Variants in PDZD2 observed in about 807,000 individuals in gnomAD.
PDZD2 encodes PDZ domain containing 2, also known as PDZ domain-containing protein 2.
In PDZD2, 90 loss-of-function variants were observed where a neutral mutation model predicts 220.7. That is an observed-to-expected ratio of 0.41 (90% CI 0.34 to 0.49). PDZD2 has a LOEUF of 0.49. PDZD2 is among the 20% of genes least tolerant of loss of function. The pLI is 0.28. For missense variants in PDZD2, 3,174 were observed against 3,608.5 expected (o/e 0.88, Z 3.08); for synonymous variants, 1,375 against 1,450.5 (o/e 0.95, Z 1.18).
At chr5:31,919,849 T>TA (rs1744047396) in intron 2 of PDZD2, among the ~76,000 whole-genome samples, 2 of 76,616 alleles carry the variant, frequency 2.6e-5, no homozygotes, top group Admixed American at 1.7e-4. Flanking sequence ...AACCTGTCTC[T>TA]AAAAAACAAT....
intron 7 of PDZD2, among the ~76,000 whole-genome samples, chr5:32,041,530 TA>T (rs1756147193): frequency 6.6e-6 from 1 of 152,188 alleles, no homozygotes; most frequent in African/African-American, 2.4e-5. Context: ...TGTTAATCTT[TA>T]ACCTTACCCC....
intron 1 of PDZD2, among the ~76,000 whole-genome samples, chr5:31,662,766 A>T (rs1167306647): frequency 6.6e-6 from 1 of 152,092 alleles, no homozygotes; most frequent in African/African-American, 2.4e-5. Flanking sequence ...GGTAGCTGGG[A>T]CTACAGGCGC....
At chr5:31,913,183 A>T (rs1561059012) in intron 2 of PDZD2, among the ~76,000 whole-genome samples, 1 of 152,140 alleles carries the variant, frequency 6.6e-6, no homozygotes, top group African/African-American at 2.4e-5. Flanking sequence ...AGCCTGGCCA[A>T]TATGGCAAAA....
intron 1 of PDZD2, among the ~76,000 whole-genome samples, chr5:31,797,146 T>G (rs1170400935): frequency 7.0e-6 from 1 of 142,950 alleles, no homozygotes; most frequent in Non-Finnish European, 1.5e-5. Context: ...GCTTTCACTG[T>G]GTTAGCCAGG....
intron 18 of PDZD2, among the ~76,000 whole-genome samples, chr5:32,075,786 A>G (rs1358724011): frequency 6.6e-6 from 1 of 152,220 alleles, no homozygotes; most frequent in East Asian, 1.9e-4. Flanking sequence ...TGTGTGTTCA[A>G]GTGGTTTATA....
At chr5:32,002,630 C>T (rs1403094251) in intron 5 of PDZD2, among the ~76,000 whole-genome samples, 1 of 90,496 alleles carries the variant, frequency 1.1e-5, no homozygotes, top group African/African-American at 4.3e-5. Context: ...CACACCAACA[C>T]ACCACCAACA....
At chr5:31,813,177 G>A (rs1755223333) in intron 2 of PDZD2, among the ~76,000 whole-genome samples, 1 of 152,154 alleles carries the variant, frequency 6.6e-6, no homozygotes, top group Non-Finnish European at 1.5e-5. Flanking sequence ...ACGGCCAGGT[G>A]CGGTGGCTCA....
At chr5:31,737,720 G>A (rs1210619749) in intron 1 of PDZD2, among the ~76,000 whole-genome samples, 1 of 152,152 alleles carries the variant, frequency 6.6e-6, no homozygotes, top group East Asian at 1.9e-4. Flanking sequence ...TGGTGGGGAG[G>A]CTGGAGAGCA....
At chr5:31,659,042 T>C (rs1745665135) in intron 1 of PDZD2, among the ~76,000 whole-genome samples, 1 of 152,186 alleles carries the variant, frequency 6.6e-6, no homozygotes. Flanking sequence ...TGCCTCCCAG[T>C]GAATCTTTTC....
chr5:31,975,116 CAT>C (rs746698434), intron 2 of PDZD2, among the ~76,000 whole-genome samples: 19 of 152,206 alleles, frequency 1.2e-4, no homozygotes, highest in Non-Finnish European at 2.1e-4. Flanking sequence ...ATGAAGAAGA[CAT>C]ATTTGTTTAT....
In PDZD2 at chr5:31,691,321, T is replaced by G. The variant is rs147712656; in HGVS notation, c.-361+51884T>G. 3.6e-3 allele frequency among the ~76,000 whole-genome samples: 495 copies of G among 137,356 alleles called. 1 individual carries two copies. Among genetic ancestry groups the G allele is most frequent in the African/African-American group, 0.016 (453 of 27,692 alleles). 90.1% of individuals were successfully genotyped at this position (137,356 alleles called of 152,430 possible). A position where few individuals can be genotyped will look rare whatever the true frequency, so the allele number is the denominator to read the frequency against. ...TGAAGCTGCAGACCTTCGCGGTGAG[T>G]GTTACAGCTCATAAAGGCAGTGTGG... On this transcript the variant is annotated intron_variant, in intron 1 of 24. Transcript: ENST00000438447.
intron 2 of PDZD2, among the ~76,000 whole-genome samples, chr5:31,912,623 T>A (rs533336857): frequency 6.6e-6 from 1 of 152,344 alleles, no homozygotes; most frequent in East Asian, 1.9e-4. Flanking sequence ...AGGTTCGCCT[T>A]GTTCTGTTTC....
chr5:32,011,114 C>G (rs1170086135), intron 6 of PDZD2, among the ~76,000 whole-genome samples: 8 of 151,706 alleles, frequency 5.3e-5, no homozygotes, highest in Admixed American at 5.3e-4. Context: ...TGCTGCTATG[C>G]CTTGCTGGTG....
chr5:31,829,798 A>G (rs1321510671), intron 2 of PDZD2, among the ~76,000 whole-genome samples: 1 of 152,028 alleles, frequency 6.6e-6, no homozygotes. Flanking sequence ...CATGCCTGTA[A>G]TTCCAGCACT....
Position 32,087,094 on chromosome 5 carries a change from C to T in PDZD2, c.3683-37C>T, listed in dbSNP as rs143812112. ...CCCTTTTATCTCCCCTACAACCTCT[C>T]CTGTGTATGTACCTTCTGTTTACGT... is the stretch of plus-strand genomic sequence containing the variant. On this transcript the variant is annotated intron_variant, in intron 19 of 24. Transcript: ENST00000438447. This position sits in a 1 kb window ranked among gnomAD's most constrained non-coding sequence, Gnocchi z 4.0. 31 of 1,216,284 alleles carry T rather than the reference C, an allele frequency of 2.5e-5. No individual in the cohort carries two copies. The Admixed American group carries it at 5.7e-4, about 22-fold the overall frequency. 75.3% of individuals were successfully genotyped at this position (1,216,284 alleles called of 1,614,324 possible). A position where few individuals can be genotyped will look rare whatever the true frequency, so the allele number is the denominator to read the frequency against.
At chr5:31,998,943 T>C (rs1751871476) in intron 4 of PDZD2, among the ~76,000 whole-genome samples, 2 of 152,222 alleles carry the variant, frequency 1.3e-5, no homozygotes, top group Admixed American at 1.3e-4. Context: ...TTTGGGATCC[T>C]GGGAGATCAG....
Position 31,894,058 on chromosome 5 carries a change from CTTTT to C in PDZD2, c.477-89074_477-89071del, listed in dbSNP as rs35969573. 9.4e-3 allele frequency among the ~76,000 whole-genome samples: 657 copies of C among 69,794 alleles called. 18 individuals carry two copies. Among genetic ancestry groups the C allele is most frequent in the African/African-American group, 0.035 (570 of 16,062 alleles). 45.8% of individuals were successfully genotyped at this position (69,794 alleles called of 152,430 possible). A position where few individuals can be genotyped will look rare whatever the true frequency, so the allele number is the denominator to read the frequency against. ...TACAGGCATGCGCCACCACGCCCAGCTTTTTTTTTTTTTTTTTTTTTTTTTTGGA... is the reference window on the plus strand; with the variant it reads ...TACAGGCATGCGCCACCACGCCCAGCTTTTTTTTTTTTTTTTTTTTTTGGA... On this transcript the variant is annotated intron_variant, in intron 2 of 24. Coordinates refer to ENST00000438447, the MANE Select transcript of PDZD2 (RefSeq NM_178140.4).
chr5:32,096,281 A>G (rs1040654368), intron 21 of PDZD2, among the ~76,000 whole-genome samples: 2 of 151,882 alleles, frequency 1.3e-5, no homozygotes, highest in African/African-American at 4.8e-5. Context: ...AACTCCCCCA[A>G]AAGTTCTGCG....
intron 5 of PDZD2, among the ~76,000 whole-genome samples, chr5:32,004,106 TG>T (rs34575153): frequency 2.7e-5 from 4 of 146,680 alleles, no homozygotes; most frequent in South Asian, 2.2e-4. Flanking sequence ...AAAAAAAAGG[TG>T]GGGGGGCCAC....
Sources: gnomAD v4.1 joint callset for allele counts (sites outside exome capture counted in the v4.1 genomes callset) on GRCh38, gnomAD v4.1.1 for gene constraint, Gnocchi (gnomAD v3.1) non-coding constraint, MANE v1.5 for transcripts, NCBI Gene and HGNC (gene_info 2026-07-23, HGNC 2026-07-21) for gene names.